Variants in ZNF718 observed in about 807,000 individuals in gnomAD.
The protein encoded by ZNF718 is zinc finger protein 718.
ZNF718 carries 3 observed loss-of-function variants against 2.6 expected under a neutral mutation model. The observed-to-expected ratio is 1.16, with a 90% CI of 0.53 to 3.01. ZNF718 has a LOEUF of 3.01. Among genes scored for constraint, ZNF718 ranks in the 30% most tolerant of loss-of-function variants. ZNF718 has a pLI of 0.03. For missense variants in ZNF718, 468 were observed against 230.0 expected, an observed-to-expected ratio of 2.03 and a Z score of -6.69; for synonymous variants, 135 against 77.9, an observed-to-expected ratio of 1.73 and a Z score of -3.86.
At chr4:139,407 A>G (rs563346602) in intron 3 of ZNF718, among the ~76,000 whole-genome samples, 1 of 152,326 alleles carries the variant, frequency 6.6e-6, no homozygotes, top group African/African-American at 2.4e-5. Flanking sequence ...AGGAAAATAG[A>G]GTCTGGAGGC....
Position 194,155 on chromosome 4 carries a change from G to A in ZNF718, c.227-6926G>A, listed in dbSNP as rs544271740. ...CAATAGGGTTTCTAAGTTTTGCTCC[G>A]GGCCTAAGGCGGGCTCTTGAAGTAT... On this transcript the variant is annotated intron_variant and NMD_transcript_variant, in intron 3 of 4. Transcript: ENST00000642529. Among the ~76,000 whole-genome samples, 14 of 152,164 alleles carry A rather than the reference G, an allele frequency of 9.2e-5. 1 individual carries two copies. Among genetic ancestry groups the A allele is most frequent in the African/African-American group, 3.1e-4 (13 of 41,502 alleles).
intron 3 of ZNF718, among the ~76,000 whole-genome samples, chr4:189,260 A>G (rs1485869775): frequency 1.3e-5 from 2 of 151,914 alleles, no homozygotes; most frequent in Admixed American, 1.3e-4. Context: ...TTTGATCATA[A>G]CGTTTCTTAT....
chr4:165,723 C>T (rs983124784), downstream of ZNF718, among the ~76,000 whole-genome samples: 60 of 152,130 alleles, frequency 3.9e-4, no homozygotes, highest in African/African-American at 1.2e-3. Context: ...TGCTTGAACC[C>T]GGGAGGTGGA....
intron 3 of ZNF718, among the ~76,000 whole-genome samples, chr4:169,290 A>G (rs1717167719): frequency 6.6e-6 from 1 of 152,178 alleles, no homozygotes; most frequent in Non-Finnish European, 1.5e-5. Flanking sequence ...CGATTTTGGA[A>G]TAAGTGCAGT....
At chr4:151,161 G>A (rs576415493) in intron 3 of ZNF718, among the ~76,000 whole-genome samples, 2 of 152,184 alleles carry the variant, frequency 1.3e-5, no homozygotes, top group Non-Finnish European at 2.9e-5. Context: ...GGAGTGTAGT[G>A]GTGTGATCTC....
At chr4:143,978 G>A (rs910128843) in intron 3 of ZNF718, among the ~76,000 whole-genome samples, 2 of 152,114 alleles carry the variant, frequency 1.3e-5, no homozygotes, top group Admixed American at 6.6e-5. Context: ...GCAGGAAAAC[G>A]GTCTGGAGGC....
chr4:167,212 C>T (rs1235823306), downstream of ZNF718, among the ~76,000 whole-genome samples: 1 of 152,046 alleles, frequency 6.6e-6, no homozygotes, highest in Non-Finnish European at 1.5e-5. Flanking sequence ...TGGTCTATAT[C>T]TCTGTTTTGG....
chr4:188,232 C>A (rs2108815497), intron 3 of ZNF718, among the ~76,000 whole-genome samples: 1 of 152,258 alleles, frequency 6.6e-6, no homozygotes, highest in Admixed American at 6.5e-5. Flanking sequence ...GAAGACTCAT[C>A]CAGCGAGGAT....
chr4:171,962 G>C (rs1181707668), intron 3 of ZNF718, among the ~76,000 whole-genome samples: 1 of 152,182 alleles, frequency 6.6e-6, no homozygotes, highest in African/African-American at 2.4e-5. Context: ...GACTGGAGCT[G>C]TTCCTATTCG....
chr4:180,249 T>C (rs1319670612), intron 3 of ZNF718, among the ~76,000 whole-genome samples: 1 of 152,232 alleles, frequency 6.6e-6, no homozygotes, highest in Admixed American at 6.5e-5. Context: ...CAGCTGAAAC[T>C]AATTCCAGTT....
In ZNF718 at chr4:161,637, A is replaced by C. The variant is rs1716866537; in HGVS notation, c.952A>C (p.Asn318His). 1.3e-6 allele frequency: 1 copy of C among 780,070 alleles called. No homozygotes were observed. The highest frequency in any genetic ancestry group is 1.3e-5 in the South Asian group (1 of 74,560). 48.3% of individuals were successfully genotyped at this position (780,070 alleles called of 1,614,324 possible). The part of the protein sequence containing the change: ...EKPFSCEECG[N>H]VFTTSSDFAK... The stretch of plus-strand genomic sequence containing the variant: ...ACCCTTCTCATGCGAAGAATGTGGC[A>C]ATGTCTTTACCACATCCTCAGACTT... Residue 318 changes from asparagine (N) to histidine (H), a missense_variant, in exon 4 of 4, where the codon AAT becomes CAT. Transcript: ENST00000510175.
chr4:177,207 A>G (rs1553819191), intron 3 of ZNF718, among the ~76,000 whole-genome samples: 3 of 152,120 alleles, frequency 2.0e-5, no homozygotes, highest in South Asian at 2.1e-4. Flanking sequence ...TCCACAACCC[A>G]TCTCTGGAAC....
At chr4:141,249 A>T (rs1324238172) in intron 3 of ZNF718, among the ~76,000 whole-genome samples, 1 of 152,234 alleles carries the variant, frequency 6.6e-6, no homozygotes, top group African/African-American at 2.4e-5. Flanking sequence ...TACAGATTTA[A>T]AAAGGTTATT....
chr4:156,984 C>T (rs1053320229), intron 3 of ZNF718, among the ~76,000 whole-genome samples: 4 of 151,848 alleles, frequency 2.6e-5, no homozygotes, highest in Non-Finnish European at 5.9e-5. Flanking sequence ...CTAGCTGTTC[C>T]GCTTATACTC....
intron 3 of ZNF718, among the ~76,000 whole-genome samples, chr4:193,987 T>A (rs190954306): frequency 1.0e-3 from 153 of 152,288 alleles, no homozygotes; most frequent in African/African-American, 3.6e-3. Context: ...AGGCATTTGA[T>A]TTGCCCAGCC....
In ZNF718 at chr4:133,177, TAAAAAA is replaced by T. The variant is rs1189716766; in HGVS notation, c.226+1686_226+1691del. ...TGGGCAACACAGCAAGACTCCATCT[TAAAAAA>T]AAAAAAAAAAAAATATATATATATA... On this transcript the variant is annotated intron_variant, in intron 3 of 3. Transcript: ENST00000510175. Among the ~76,000 whole-genome samples, 5 of 12,532 alleles carry T rather than the reference TAAAAAA, an allele frequency of 4.0e-4. 1 individual carries two copies. Among genetic ancestry groups the T allele is most frequent in the Non-Finnish European group, 5.5e-4 (4 of 7,330 alleles). The allele number at this position is 12,532 out of a possible 152,430, so 8.2% of individuals were successfully genotyped here. A position where few individuals can be genotyped will look rare whatever the true frequency, so the allele number is the denominator to read the frequency against.
chr4:138,723 TGTA>T (rs1240509235), intron 3 of ZNF718, among the ~76,000 whole-genome samples: 5 of 152,204 alleles, frequency 3.3e-5, no homozygotes, highest in African/African-American at 1.2e-4. Context: ...CCATGGTCAT[TGTA>T]GTAATTTACA....
At chr4:144,454 A>C (rs1267215759) in intron 3 of ZNF718, among the ~76,000 whole-genome samples, 1 of 152,054 alleles carries the variant, frequency 6.6e-6, no homozygotes, top group Non-Finnish European at 1.5e-5. Context: ...TGATTCCTCC[A>C]GTTTCTTTTC....
intron 3 of ZNF718, among the ~76,000 whole-genome samples, chr4:150,928 G>T (rs1297310189): frequency 1.3e-5 from 2 of 151,808 alleles, no homozygotes; most frequent in Non-Finnish European, 2.9e-5. Context: ...ACATTTTATT[G>T]TCTAGGTGAT....
Sources: allele counts gnomAD v4.1 joint callset (sites outside exome capture counted in the v4.1 genomes callset), GRCh38; gene constraint gnomAD v4.1.1; transcripts MANE v1.5; gene names NCBI Gene and HGNC (gene_info 2026-07-23, HGNC 2026-07-21).